Variants in ORC5 observed in about 807,000 individuals in gnomAD.
ORC5 encodes the protein protein phosphatase 1, regulatory subunit 117.
In ORC5, 39 loss-of-function variants were observed where a neutral mutation model predicts 58.8. The ratio of observed to expected loss-of-function variants is 0.66; its 90% CI spans 0.51 to 0.87. ORC5 has a LOEUF of 0.87. ORC5 is among the 40% of genes least tolerant of loss of function. ORC5 has a pLI of 0.00. For missense variants in ORC5, 493 were observed against 506.3 expected, an observed-to-expected ratio of 0.97 and a Z score of 0.25; for synonymous variants, 218 against 177.6, an observed-to-expected ratio of 1.23 and a Z score of -1.81.
intron 3 of ORC5, among the ~76,000 whole-genome samples, chr7:104,198,974 C>A (rs887919942): frequency 2.2e-4 from 34 of 152,250 alleles, no homozygotes; most frequent in African/African-American, 8.2e-4. Flanking sequence ...AAGCCCCAAG[C>A]CTTGGCGGCT....
intron 1 of ORC5, among the ~76,000 whole-genome samples, chr7:104,204,863 GAGAAA>G (rs995934991): frequency 6.6e-6 from 1 of 152,080 alleles, no homozygotes; most frequent in Non-Finnish European, 1.5e-5. Flanking sequence ...TAGCAGCTTA[GAGAAA>G]AGTAAATATT....
At chr7:104,205,830 T>A (rs1800066222) in intron 1 of ORC5, among the ~76,000 whole-genome samples, 1 of 152,044 alleles carries the variant, frequency 6.6e-6, no homozygotes, top group African/African-American at 2.4e-5. Flanking sequence ...GGAAATACAG[T>A]GAAACCCCAT....
At chr7:104,165,516 A>G (rs1431374162) in intron 10 of ORC5, 2 of 344,088 alleles carry the variant, frequency 5.8e-6, no homozygotes, top group Non-Finnish European at 5.2e-6. Flanking sequence ...AAGAATTTCT[A>G]AAATAAAATA....
At chr7:104,149,013 G>A (rs550125968) in intron 12 of ORC5, among the ~76,000 whole-genome samples, 5 of 146,292 alleles carry the variant, frequency 3.4e-5, no homozygotes, top group East Asian at 2.0e-4. Context: ...CCACCTGGGC[G>A]ACAGAGTAAG....
In ORC5 at chr7:104,183,939, T is replaced by A; in HGVS notation, c.824+4A>T. 1 of 1,587,918 alleles carries A rather than the reference T, an allele frequency of 6.3e-7. No individual in the cohort carries two copies. The highest frequency in any genetic ancestry group is 8.6e-7 in the Non-Finnish European group (1 of 1,159,718). ...ACTAGTATGCATACTAAATAGAAAA[T>A]TACCTTGATATTTCCCTGAGATAAA... On this transcript the variant is annotated splice_donor_region_variant and intron_variant, in intron 8 of 13. Transcript: ENST00000297431.
intron 12 of ORC5, among the ~76,000 whole-genome samples, chr7:104,143,779 C>T (rs1192991401): frequency 1.3e-5 from 2 of 151,948 alleles, no homozygotes; most frequent in Non-Finnish European, 2.9e-5. Flanking sequence ...ATAAATTGTA[C>T]ACAAATATAC....
At chr7:104,175,160 GAAGAA>G (rs1357653959) in intron 8 of ORC5, among the ~76,000 whole-genome samples, 1 of 152,092 alleles carries the variant, frequency 6.6e-6, no homozygotes, top group Non-Finnish European at 1.5e-5. Context: ...TTTCTTCTGG[GAAGAA>G]AAGAATTGAG....
chr7:104,139,991 C>T (rs933380836), intron 12 of ORC5, among the ~76,000 whole-genome samples: 2 of 151,956 alleles, frequency 1.3e-5, no homozygotes, highest in Non-Finnish European at 2.9e-5. Context: ...TTTAAAATTA[C>T]GTTTTGTTGA....
chr7:104,156,892 T>C (rs908939154), intron 12 of ORC5, among the ~76,000 whole-genome samples: 6 of 151,924 alleles, frequency 3.9e-5, no homozygotes, highest in African/African-American at 1.2e-4. Context: ...CAAATTTCTC[T>C]AGATATCACA....
intron 12 of ORC5, among the ~76,000 whole-genome samples, chr7:104,144,613 C>T (rs1324636050): frequency 1.3e-5 from 2 of 151,972 alleles, no homozygotes; most frequent in African/African-American, 2.4e-5. Flanking sequence ...AAAAATTAGC[C>T]GGTCGTGATG....
chr7:104,178,826 TAAC>T (rs1311663953), intron 8 of ORC5, among the ~76,000 whole-genome samples: 1 of 152,120 alleles, frequency 6.6e-6, no homozygotes, highest in African/African-American at 2.4e-5. Context: ...AAAGTTACCT[TAAC>T]AATTCTGATT....
chr7:104,180,595 A>G (rs2115954426), intron 8 of ORC5, among the ~76,000 whole-genome samples: 1 of 88,688 alleles, frequency 1.1e-5, no homozygotes, highest in Non-Finnish European at 3.4e-5. Flanking sequence ...TTTGACCTAG[A>G]ACTAACTTGG....
At chr7:104,156,745 C>T (rs1301320405) in intron 12 of ORC5, among the ~76,000 whole-genome samples, 1 of 151,736 alleles carries the variant, frequency 6.6e-6, no homozygotes, top group Non-Finnish European at 1.5e-5. Flanking sequence ...TAATAAAAAG[C>T]AATTTACCTC....
rs754653353 is a variant in ORC5 at position 104,126,903 on chromosome 7, A to G, written c.1263-10T>C. 43 of 1,585,540 alleles carry G rather than the reference A, an allele frequency of 2.7e-5. No homozygotes were observed. The highest frequency in any genetic ancestry group is 3.3e-4 in the Middle Eastern group (2 of 5,984). Reference sequence around the variant, plus strand: ...GTCAAAGTTCACCGTCCTAAAAACAAAAACAGATAATATGTTAGCATTCTC... The same window carrying G: ...GTCAAAGTTCACCGTCCTAAAAACAGAAACAGATAATATGTTAGCATTCTC... On this transcript the variant is annotated splice_polypyrimidine_tract_variant and intron_variant, in intron 13 of 13. Coordinates refer to ENST00000297431, the MANE Select transcript of ORC5 (RefSeq NM_002553.4).
At chr7:104,186,401 C>T (rs940773292) in intron 6 of ORC5, among the ~76,000 whole-genome samples, 2 of 151,958 alleles carry the variant, frequency 1.3e-5, no homozygotes, top group African/African-American at 4.8e-5. Flanking sequence ...CCAAGTATAC[C>T]AAGGGGCAAC....
chr7:104,134,416 C>CAAA (rs1170848776), intron 13 of ORC5, among the ~76,000 whole-genome samples: 11 of 51,800 alleles, frequency 2.1e-4, no homozygotes, highest in Non-Finnish European at 2.9e-4. Context: ...CACTCCATCT[C>CAAA]AAAAAAAAAA....
At chr7:104,141,750 G>A (rs1248570364) in intron 12 of ORC5, among the ~76,000 whole-genome samples, 1 of 151,936 alleles carries the variant, frequency 6.6e-6, no homozygotes, top group Non-Finnish European at 1.5e-5. Context: ...AAACATGTAA[G>A]AATAAATTTA....
At chr7:104,145,561 A>G (rs1188243408) in intron 12 of ORC5, among the ~76,000 whole-genome samples, 1 of 152,164 alleles carries the variant, frequency 6.6e-6, no homozygotes, top group Non-Finnish European at 1.5e-5. Flanking sequence ...AAACACTAAC[A>G]AAGAGCCTAG....
At chr7:104,131,119 GCTTTC>G (rs1477868787) in intron 13 of ORC5, among the ~76,000 whole-genome samples, 4 of 152,156 alleles carry the variant, frequency 2.6e-5, no homozygotes, top group Non-Finnish European at 5.9e-5. Flanking sequence ...CCAACAAACT[GCTTTC>G]CTTTCAACAG....
Sources: allele counts gnomAD v4.1 joint callset (sites outside exome capture counted in the v4.1 genomes callset), GRCh38; gene constraint gnomAD v4.1.1; transcripts MANE v1.5; gene names NCBI Gene and HGNC (gene_info 2026-07-23, HGNC 2026-07-21).